SLC9B1: variants seen among roughly 807,000 people sequenced by gnomAD.
The protein encoded by SLC9B1 is solute carrier family 9 member B1, also known as sodium/hydrogen exchanger 9B1.
In SLC9B1, 32 loss-of-function variants were observed where a neutral mutation model predicts 51.7. The ratio of observed to expected loss-of-function variants is 0.62; its 90% CI spans 0.47 to 0.83. SLC9B1 has a LOEUF of 0.83. SLC9B1 is among the 40% of genes least tolerant of loss of function. The pLI, the probability that SLC9B1 is intolerant of heterozygous loss-of-function variation, is 0.00. For missense variants in SLC9B1, 406 were observed against 613.2 expected, an observed-to-expected ratio of 0.66 and a Z score of 3.57; for synonymous variants, 145 against 212.7, an observed-to-expected ratio of 0.68 and a Z score of 2.77.
chr4:102,898,246 G>A, downstream of SLC9B1: 1 of 502,586 alleles, frequency 2.0e-6, no homozygotes, highest in Non-Finnish European at 3.9e-6. Context: ...ATTTAAAACT[G>A]ATCAGGGACC....
chr4:102,957,950 C>A (rs550813547), intron 3 of SLC9B1, among the ~76,000 whole-genome samples: 1 of 151,988 alleles, frequency 6.6e-6, no homozygotes, highest in Non-Finnish European at 1.5e-5. Context: ...ATTATTAAAC[C>A]AAAGTAGATT....
At chr4:103,004,303 TA>T (rs1660705936) in intron 1 of SLC9B1, among the ~76,000 whole-genome samples, 2 of 152,136 alleles carry the variant, frequency 1.3e-5, no homozygotes, top group African/African-American at 4.8e-5. Flanking sequence ...CCACAAGTAT[TA>T]ACAGCAGAAT....
chr4:102,918,641 C>G (rs1002722961), intron 7 of SLC9B1, among the ~76,000 whole-genome samples: 2 of 152,118 alleles, frequency 1.3e-5, no homozygotes, highest in Non-Finnish European at 2.9e-5. Flanking sequence ...AGAAATGGGA[C>G]TAGGGCCTTT....
chr4:102,993,242 T>C (rs1312050880), intron 1 of SLC9B1, among the ~76,000 whole-genome samples: 1 of 152,180 alleles, frequency 6.6e-6, no homozygotes, highest in Non-Finnish European at 1.5e-5. Context: ...CCTATGAGCC[T>C]ATAAAATCGA....
rs181085468 is a variant in SLC9B1 at position 102,888,925 on chromosome 4, C to G, written c.1333-3597G>C. 6.6e-5 allele frequency: 10 copies of G among 152,358 alleles called. No individual in the cohort carries two copies. In the East Asian group the frequency reaches 1.9e-3, roughly 29 times the overall value. 9.4% of individuals were successfully genotyped at this position (152,358 alleles called of 1,614,324 possible). On this transcript the variant is annotated intron_variant, in intron 11 of 11. Coordinates refer to the SLC9B1 transcript ENST00000394789. ...GCTTTTCTTTAGTCTATTTAAGATA[C>G]AGTTTATTCAGTTCACTTTGCTTTC... is the stretch of plus-strand genomic sequence containing the variant.
At chr4:102,933,262 C>T (rs954659168) in intron 6 of SLC9B1, among the ~76,000 whole-genome samples, 2 of 152,190 alleles carry the variant, frequency 1.3e-5, no homozygotes, top group African/African-American at 2.4e-5. Flanking sequence ...ACTTTCCCTC[C>T]AGACAGCATC....
chr4:102,890,354 G>A (rs1465331111), intron 11 of SLC9B1: 1 of 152,176 alleles, frequency 6.6e-6, no homozygotes, highest in Non-Finnish European at 1.5e-5. Context: ...GTCAGAATCT[G>A]TATAGAGAGT....
At chr4:103,010,913 A>G (rs11731885) in intron 1 of SLC9B1, among the ~76,000 whole-genome samples, 87,515 of 151,996 alleles carry the variant, frequency 0.58, 26,465 homozygotes, top group African/African-American at 0.78. Flanking sequence ...CCCTTCCCCC[A>G]CAACAAATTC....
chr4:102,961,960 C>G, intron 3 of SLC9B1: 1 of 248,226 alleles, frequency 4.0e-6, no homozygotes, highest in Non-Finnish European at 7.9e-6. Context: ...CCAAGCATGG[C>G]GGGGTTCCTG....
intron 11 of SLC9B1, among the ~76,000 whole-genome samples, chr4:102,903,142 A>C (rs1734864586): frequency 6.6e-6 from 1 of 152,192 alleles, no homozygotes; most frequent in Non-Finnish European, 1.5e-5. Flanking sequence ...AAGCAGAATA[A>C]TACTGCAGGA....
intron 9 of SLC9B1, among the ~76,000 whole-genome samples, chr4:102,909,036 G>A (rs1433055311): frequency 2.6e-5 from 4 of 152,242 alleles, no homozygotes; most frequent in Non-Finnish European, 5.9e-5. Context: ...ATAGTAAAAA[G>A]AATAGAACTA....
At chr4:102,922,748 C>G (rs1578349126) in intron 7 of SLC9B1, among the ~76,000 whole-genome samples, 1 of 152,142 alleles carries the variant, frequency 6.6e-6, no homozygotes, top group African/African-American at 2.4e-5. Flanking sequence ...CATGGAAATA[C>G]AAACTACCAT....
rs539306655 is a variant in SLC9B1, at chr4:102,941,260, T to C, written c.653+3933A>G. Among the ~76,000 whole-genome samples the C allele has an allele frequency of 1.4e-3, 215 of 152,240 alleles. No individual in the cohort carries two copies. The Middle Eastern group carries it at 0.017, about 12-fold the overall frequency. ...GCAAACCATGCATTCGACAAAAGTC[T>C]AATATCCAGAATCCAAAAAGAACTT... On this transcript the variant is annotated intron_variant, in intron 6 of 11. Transcript: ENST00000296422.
At position 102,969,100 on chromosome 4, in the gene SLC9B1, G is replaced by T. The variant is rs541359495; in HGVS notation, c.212-19673C>A. 5.3e-4 allele frequency among the ~76,000 whole-genome samples: 80 copies of T among 152,306 alleles called. 1 individual carries two copies. The South Asian group carries it at 0.016, about 30-fold the overall frequency. On this transcript the variant is annotated intron_variant, in intron 3 of 11. Transcript: ENST00000296422. ...GCAGCCTCTGTAGACGCCACCTCTG[G>T]GGGCAGGGTATAGCTGAATAAAAGC...
intron 1 of SLC9B1, among the ~76,000 whole-genome samples, chr4:103,005,423 A>G (rs563031785): frequency 5.5e-4 from 84 of 152,250 alleles, no homozygotes; most frequent in Non-Finnish European, 9.6e-4. Context: ...AAATATATAT[A>G]TGAACCCACC....
chr4:102,941,538 G>C, intron 6 of SLC9B1: 2 of 452,312 alleles, frequency 4.4e-6, no homozygotes, highest in South Asian at 1.6e-5. Flanking sequence ...TCTTTGGAAG[G>C]CTGAGGCATG....
chr4:102,949,784 A>G (rs1182066583), intron 3 of SLC9B1, among the ~76,000 whole-genome samples: 2 of 152,100 alleles, frequency 1.3e-5, no homozygotes, highest in African/African-American at 4.8e-5. Context: ...AACACAGTGA[A>G]ATCCCGTCTC....
intron 1 of SLC9B1, among the ~76,000 whole-genome samples, chr4:102,997,078 T>C (rs906718487): frequency 6.6e-6 from 1 of 152,142 alleles, no homozygotes; most frequent in African/African-American, 2.4e-5. Flanking sequence ...CATGAGCCAT[T>C]GTGTCTGGCC....
Position 102,991,659 on chromosome 4 carries a change from G to A in SLC9B1, c.53C>T (p.Thr18Ile). The stretch of plus-strand genomic sequence containing the variant: ...AGTTTTTACCTGAGGAGTTGTAGAT[G>A]TTTGGAAGTTTTCATCCTCCAAATG... Reference protein sequence around the residue: ...NEHLEDENFQTSTTPQSLIDP... With the variant: ...NEHLEDENFQISTTPQSLIDP... Residue 18 changes from threonine (T) to isoleucine (I), a missense_variant, in exon 2 of 12, where the codon ACA becomes ATA. Transcript: ENST00000296422. The A allele has an allele frequency of 1.3e-6, 2 of 1,588,188 alleles. No homozygotes were observed. The highest frequency in any genetic ancestry group is 1.7e-6 in the Non-Finnish European group (2 of 1,165,300).
Sources: gnomAD v4.1 joint callset for allele counts (sites outside exome capture counted in the v4.1 genomes callset) on GRCh38, gnomAD v4.1.1 for gene constraint, MANE v1.5 for transcripts, NCBI Gene and HGNC (gene_info 2026-07-23, HGNC 2026-07-21) for gene names.